The following SAPCD2 variants were observed in gnomAD, a reference collection of about 807,000 sequenced individuals.
SAPCD2 encodes suppressor APC domain-containing protein 2.
SAPCD2 carries 34 observed loss-of-function variants against 37.8 expected under a neutral mutation model. The observed-to-expected ratio is 0.90, with a 90% CI of 0.68 to 1.20. SAPCD2 has a LOEUF of 1.20. SAPCD2 is among the 50% of genes most tolerant of loss of function. The pLI, the probability that SAPCD2 is intolerant of heterozygous loss-of-function variation, is 0.00. For synonymous variants in SAPCD2, 275 were observed against 270.3 expected, an observed-to-expected ratio of 1.02 and a Z score of -0.17; for missense variants, 572 against 584.7, an observed-to-expected ratio of 0.98 and a Z score of 0.22.
chr9:137,066,155 G>A (rs1832542856), intron 2 of SAPCD2, 107 bp downstream of exon 2: 4 of 864,630 alleles, frequency 4.6e-6, no homozygotes, highest in Non-Finnish European at 7.4e-6. Context: ...AGAGCTGACT[G>A]TACTTCCGCC....
At chr9:137,066,757 C>T (rs555983414) in intron 1 of SAPCD2, among the ~76,000 whole-genome samples, 1 of 152,324 alleles carries the variant, frequency 6.6e-6, no homozygotes, top group Non-Finnish European at 1.5e-5. Context: ...GGTTCTGGTC[C>T]TGACTACGCC....
rs760777973 is a variant in SAPCD2, at chr9:137,064,940, G to A, written c.979C>T (p.Leu327=). The change falls in exon 5 of 6, where the codon CTG becomes TTG. Residue 327 remains leucine (L), a synonymous_variant. Coordinates refer to ENST00000409687, the MANE Select transcript of SAPCD2 (RefSeq NM_178448.4). ...PSSSGPPCPA[L]TSTSPPVWQQ... The stretch of plus-strand genomic sequence containing the variant: ...CAGACCGGGGGTGAGGTGGACGTCA[G>A]GGCAGGGCAGGGGGGCCCGGAGGAG... 30 of 1,552,386 alleles carry A rather than the reference G, an allele frequency of 1.9e-5. No homozygotes were observed. In the Admixed American group the frequency reaches 5.5e-4, roughly 28 times the overall value.
rs1034994535 is a variant in SAPCD2, at chr9:137,063,867, C to T, written c.*792G>A. 2.6e-5 allele frequency: 4 copies of T among 152,342 alleles called. No individual in the cohort carries two copies. The highest frequency in any genetic ancestry group is 6.5e-5 in the Admixed American group (1 of 15,292). 9.4% of individuals were successfully genotyped at this position (152,342 alleles called of 1,614,324 possible). On this transcript the variant is annotated 3_prime_UTR_variant, in exon 6 of 6. Coordinates refer to ENST00000409687, the MANE Select transcript of SAPCD2 (RefSeq NM_178448.4). ...CCTTGGAAATCCTGAGTCGGGGGAA[C>T]AGGCTTTGCCTATGACGTGCCTGGG...
In SAPCD2 at chr9:137,065,609, C is replaced by T; in HGVS notation, c.744G>A (p.Met248Ile). ...EKEVLLQGLE[M>I]MARGRDWYQQ... The stretch of plus-strand genomic sequence containing the variant: ...GGTACCAGTCGCGGCCCCGCGCCAT[C>T]ATCTCCAAACCCTGCAGCAGCACCT... Residue 248 changes from methionine to isoleucine, a missense_variant, in exon 3 of 6, where the codon ATG becomes ATA. By Grantham distance (10) the Met-to-Ile change is conservative. Transcript: ENST00000409687. 3.7e-6 allele frequency: 6 copies of T among 1,611,422 alleles called. No homozygotes were observed. Among genetic ancestry groups the T allele is most frequent in the Non-Finnish European group, 5.1e-6 (6 of 1,178,428 alleles).
rs1344270128 is a variant in SAPCD2 at position 137,064,670 on chromosome 9, T to C, written c.1174A>G (p.Thr392Ala). The C allele has an allele frequency of 6.3e-7, 1 of 1,598,162 alleles. No homozygotes were observed. Among genetic ancestry groups the C allele is most frequent in the Admixed American group, 1.7e-5 (1 of 58,432 alleles). ...SQQDGGPLDS[T>A]FI ...GCGGCCCACAAGGACTAGATGAAGG[T>C]GGAATCCAGAGGTCCCCCGTCCTGC... Residue 392 changes from threonine to alanine, a missense_variant, in exon 6 of 6, where the codon ACC (threonine) becomes GCC (alanine). By Grantham distance (58) the Thr-to-Ala change is moderately conservative. Coordinates refer to ENST00000409687, the MANE Select transcript of SAPCD2 (RefSeq NM_178448.4).
At position 137,064,860 on chromosome 9, in the gene SAPCD2, T is replaced by C. The variant is rs1832519687; in HGVS notation, c.1056+3A>G. Reference sequence around the variant, plus strand: ...CCCTGCACCCCTCCCGCGCCTGCCCTACCTGGGTGAGGAGTCGGTTCTGCT... The same window carrying C: ...CCCTGCACCCCTCCCGCGCCTGCCCCACCTGGGTGAGGAGTCGGTTCTGCT... On this transcript the variant is annotated splice_donor_region_variant and intron_variant, in intron 5 of 5. Coordinates refer to ENST00000409687, the MANE Select transcript of SAPCD2 (RefSeq NM_178448.4). 1 of 1,566,838 alleles carries C rather than the reference T, an allele frequency of 6.4e-7. No individual in the cohort carries two copies. The highest frequency in any genetic ancestry group is 8.6e-7 in the Non-Finnish European group (1 of 1,156,116).
In SAPCD2 at chr9:137,064,431, CCCATGTCAGCA is replaced by C; in HGVS notation, c.*217_*227del. ...CTATGCGGACTCAAGAGAGCCCCAG[CCCATGTCAGCA>C]CCAGGAGCCAAAACGGAGTCAAGCG... On this transcript the variant is annotated 3_prime_UTR_variant, in exon 6 of 6. Coordinates refer to ENST00000409687, the MANE Select transcript of SAPCD2 (RefSeq NM_178448.4). 1 of 591,476 alleles carries C rather than the reference CCCATGTCAGCA, an allele frequency of 1.7e-6. No homozygotes were observed. The highest frequency in any genetic ancestry group is 4.6e-4 in the Middle Eastern group (1 of 2,194). 36.6% of individuals were successfully genotyped at this position (591,476 alleles called of 1,614,324 possible).
Position 137,065,561 on chromosome 9 carries a change from C to G in SAPCD2, c.792G>C (p.Gln264His), listed in dbSNP as rs1466655170. The G allele has an allele frequency of 2.2e-5, 36 of 1,609,408 alleles. 1 individual carries two copies. The highest frequency in any genetic ancestry group is 3.0e-5 in the Non-Finnish European group (35 of 1,177,888). Residue 264 changes from glutamine to histidine, a missense_variant, in exon 3 of 6, where the codon CAG (glutamine) becomes CAC (histidine). Physicochemically the swap from Gln to His is conservative, Grantham distance 24. Transcript: ENST00000409687. ...TCTGGCCCAGGCGGCGCTGGCGCTC[C>G]TGCACTCGTTGCAGCTGCTGCTGGT... is the stretch of plus-strand genomic sequence containing the variant. ...DWYQQQLQRV[Q>H]ERQRRLGQSR...
At chr9:137,068,695 G>A (rs1423359968) in intron 1 of SAPCD2, among the ~76,000 whole-genome samples, 1 of 152,264 alleles carries the variant, frequency 6.6e-6, no homozygotes, top group Admixed American at 6.5e-5. Context: ...TCAGGGAGAT[G>A]TGGTACGTGA....
At chr9:137,067,959 GGGAGTA>G (rs1393414798) in intron 1 of SAPCD2, among the ~76,000 whole-genome samples, 4 of 152,056 alleles carry the variant, frequency 2.6e-5, no homozygotes, top group African/African-American at 9.7e-5. Context: ...TTCCTGGTGA[GGGAGTA>G]GGTGCACCTC....
rs1201838385 is a variant in SAPCD2, at chr9:137,064,296, G to A, written c.*363C>T. Reference sequence around the variant, plus strand: ...TTGGAAGTGCAGCCTGGCGTGGGCAGTGCCTTTCCCTGAAGATGGGACCCA... The same window carrying A: ...TTGGAAGTGCAGCCTGGCGTGGGCAATGCCTTTCCCTGAAGATGGGACCCA... On this transcript the variant is annotated 3_prime_UTR_variant, in exon 6 of 6. Coordinates refer to ENST00000409687, the MANE Select transcript of SAPCD2 (RefSeq NM_178448.4). 1 of 326,394 alleles carries A rather than the reference G, an allele frequency of 3.1e-6. No homozygotes were observed. Among genetic ancestry groups the A allele is most frequent in the East Asian group, 9.0e-5 (1 of 11,068 alleles). 20.2% of individuals were successfully genotyped at this position (326,394 alleles called of 1,614,324 possible). A position where few individuals can be genotyped will look rare whatever the true frequency, so the allele number is the denominator to read the frequency against.
Position 137,064,327 on chromosome 9 carries a change from G to A in SAPCD2, c.*332C>T. On this transcript the variant is annotated 3_prime_UTR_variant, in exon 6 of 6. Transcript: ENST00000409687. ...TTCCCTGAAGATGGGACCCAGGGCGGCACCGCTGGAAACGGGGGGACGCTA... is the reference window on the plus strand; with the variant it reads ...TTCCCTGAAGATGGGACCCAGGGCGACACCGCTGGAAACGGGGGGACGCTA... The A allele has an allele frequency of 5.1e-6, 2 of 393,758 alleles. No individual in the cohort carries two copies. Among genetic ancestry groups the A allele is most frequent in the South Asian group, 2.4e-5 (1 of 41,646 alleles). The allele number at this position is 393,758 out of a possible 1,614,324, so 24.4% of individuals were successfully genotyped here.
At chr9:137,069,314 C>T (rs1376216889) in intron 1 of SAPCD2, among the ~76,000 whole-genome samples, 2 of 152,198 alleles carry the variant, frequency 1.3e-5, no homozygotes, top group Non-Finnish European at 2.9e-5. Context: ...TAGTACAGCC[C>T]CACTGGGGTG....
intron 1 of SAPCD2, 41 bp downstream of exon 1, chr9:137,069,849 G>C: frequency 1.6e-6 from 2 of 1,215,016 alleles, no homozygotes; most frequent in Non-Finnish European, 2.1e-6. Context: ...GCCCGGGCCC[G>C]GGAGAGCTAC....
rs1403364961 is a variant in SAPCD2 at position 137,064,877 on chromosome 9, G to A, written c.1042C>T (p.Arg348Ter). Residue 348 changes from arginine (R) to a stop codon, truncating the protein, a stop_gained, in exon 5 of 6, where the codon CGA (arginine) becomes TGA (stop). Transcript: ENST00000409687. LOFTEE classifies it high-confidence loss of function. Reference sequence around the variant, plus strand: ...GCCTGCCCTACCTGGGTGAGGAGTCGGTTCTGCTCCTTCAGCATGAGGATG... The same window carrying A: ...GCCTGCCCTACCTGGGTGAGGAGTCAGTTCTGCTCCTTCAGCATGAGGATG... ...QTILMLKEQNRLLTQEVTEKS... is the reference protein window; with the variant it reads ...QTILMLKEQN 2.6e-6 allele frequency: 4 copies of A among 1,564,124 alleles called. No individual in the cohort carries two copies. Among genetic ancestry groups the A allele is most frequent in the South Asian group, 1.2e-5 (1 of 85,298 alleles).
Position 137,064,634 on chromosome 9 carries a change from T to C in SAPCD2, c.*25A>G. On this transcript the variant is annotated 3_prime_UTR_variant, in exon 6 of 6. Transcript: ENST00000409687. ...GAAGGGCTGAGTGCCAGGCTGGCCC[T>C]GGGGGCCCACGCGGCCCACAAGGAC... 1.3e-6 allele frequency: 2 copies of C among 1,585,154 alleles called. No individual in the cohort carries two copies. Among genetic ancestry groups the C allele is most frequent in the South Asian group, 1.1e-5 (1 of 87,178 alleles).
intron 1 of SAPCD2, among the ~76,000 whole-genome samples, chr9:137,067,102 C>G (rs1479426018): frequency 6.6e-6 from 1 of 152,128 alleles, no homozygotes; most frequent in East Asian, 1.9e-4. Context: ...ATTCTCCGGT[C>G]TCAGCCTCCC....
rs189335420 is a variant in SAPCD2 at position 137,067,644 on chromosome 9, T to C, written c.572-1270A>G. Among the ~76,000 whole-genome samples the C allele has an allele frequency of 1.8e-3, 265 of 150,638 alleles. 1 individual carries two copies. Among genetic ancestry groups the C allele is most frequent in the African/African-American group, 5.7e-3 (235 of 41,034 alleles). ...CAAAAATTAGCAGGGCGTGGTGGCA[T>C]GCACCTGTAATCCCAGCTACTCGGG... On this transcript the variant is annotated intron_variant, in intron 1 of 5. Transcript: ENST00000409687.
chr9:137,066,319 G>A lies in SAPCD2; in HGVS notation c.627C>T (p.Pro209=). ...EADSGDARRA[P]RARGERRRHT... is the part of the protein sequence containing the mutation. Reference sequence around the variant, plus strand: ...GCCTCCGACGTTCCCCTCGGGCACGGGGAGCCCGCCGGGCATCCCCTGAGT... The same window carrying A: ...GCCTCCGACGTTCCCCTCGGGCACGAGGAGCCCGCCGGGCATCCCCTGAGT... The change falls in exon 2 of 6, where the codon CCC becomes CCT. Residue 209 remains proline, a synonymous_variant. Coordinates refer to ENST00000409687, the MANE Select transcript of SAPCD2 (RefSeq NM_178448.4). The A allele has an allele frequency of 1.9e-6, 3 of 1,610,134 alleles. No homozygotes were observed. Among genetic ancestry groups the A allele is most frequent in the South Asian group, 1.1e-5 (1 of 90,574 alleles).
Sources: gnomAD v4.1 joint callset for allele counts (sites outside exome capture counted in the v4.1 genomes callset) on GRCh38, gnomAD v4.1.1 for gene constraint, MANE v1.5 for transcripts, NCBI Gene and HGNC (gene_info 2026-07-23, HGNC 2026-07-21) for gene names.